Variants in CRACR2A observed in about 807,000 individuals in gnomAD.
CRACR2A encodes calcium release activated channel regulator 2A.
CRACR2A carries 79 observed loss-of-function variants against 90.5 expected under a neutral mutation model. That is an observed-to-expected ratio of 0.87 (90% CI 0.73 to 1.05). The LOEUF (loss-of-function observed/expected upper bound fraction) is 1.05. CRACR2A is among the 50% of genes least tolerant of loss of function. The pLI is 0.00. For missense variants in CRACR2A, 823 were observed against 897.2 expected, an observed-to-expected ratio of 0.92 and a Z score of 1.06; for synonymous variants, 338 against 356.7, an observed-to-expected ratio of 0.95 and a Z score of 0.59.
chr12:3,648,643 G>A (rs1378071224), intron 10 of CRACR2A, 30 bp from the exon 11 acceptor site: 1 of 1,598,426 alleles, frequency 6.3e-7, no homozygotes, highest in South Asian at 1.1e-5. Context: ...ATGGCAGTGA[G>A]CTCCCAGGTG....
At chr12:3,652,021 G>A (rs1157154890) in intron 10 of CRACR2A, among the ~76,000 whole-genome samples, 3 of 152,162 alleles carry the variant, frequency 2.0e-5, no homozygotes, top group Non-Finnish European at 4.4e-5. Context: ...GAAACTGCAA[G>A]CTTCTTGAAA....
chr12:3,668,674 T>G (rs1250835105), intron 7 of CRACR2A, among the ~76,000 whole-genome samples: 1 of 152,074 alleles, frequency 6.6e-6, no homozygotes, highest in Non-Finnish European at 1.5e-5. Context: ...CAACACAGGC[T>G]GCCGATCCTT....
chr12:3,736,639 G>C (rs1946455218), intron 1 of CRACR2A, among the ~76,000 whole-genome samples: 1 of 152,000 alleles, frequency 6.6e-6, no homozygotes, highest in Admixed American at 6.6e-5. Flanking sequence ...ACTGAGGGCT[G>C]GAATCATGCA....
At chr12:3,725,161 A>G (rs11062778) in intron 2 of CRACR2A, among the ~76,000 whole-genome samples, 18,706 of 152,002 alleles carry the variant, frequency 0.12, 1,257 homozygotes, top group Middle Eastern at 0.21. Context: ...CATCTCTTCC[A>G]TCTCACCAAA....
intron 4 of CRACR2A, among the ~76,000 whole-genome samples, chr12:3,693,803 G>A (rs1430841114): frequency 2.0e-5 from 3 of 152,092 alleles, no homozygotes; most frequent in African/African-American, 7.2e-5. Context: ...TGATCTTCTT[G>A]TGAAGTATCT....
chr12:3,657,204 C>T (rs1035729746), intron 8 of CRACR2A, among the ~76,000 whole-genome samples: 3 of 152,268 alleles, frequency 2.0e-5, no homozygotes, highest in African/African-American at 7.2e-5. Flanking sequence ...TTTTGGATCA[C>T]TGTTTGTTCA....
Position 3,745,825 on chromosome 12 carries a change from T to TAAAATAAAATAAAATAAAAGAAAAGAAAG in CRACR2A, c.-387+7189_-387+7190insCTTTCTTTTCTTTTATTTTATTTTATTTT, listed in dbSNP as rs149739964. Among the ~76,000 whole-genome samples the TAAAATAAAATAAAATAAAAGAAAAGAAAG allele has an allele frequency of 7.9e-3, 798 of 100,532 alleles. 25 individuals carry two copies. The highest frequency in any genetic ancestry group is 0.031 in the African/African-American group (763 of 24,886). 66.0% of individuals were successfully genotyped at this position (100,532 alleles called of 152,430 possible). ...TAAAATAAAATAAAATAAAATAAAA[T>TAAAATAAAATAAAATAAAAGAAAAGAAAG]AAAGAAAGAAAAGAGAAGAGAAAAG... On this transcript the variant is annotated intron_variant, in intron 1 of 19. Coordinates refer to ENST00000440314, the MANE Select transcript of CRACR2A (RefSeq NM_001144958.2).
At chr12:3,750,484 C>G (rs570351796) in intron 1 of CRACR2A, among the ~76,000 whole-genome samples, 40 of 152,288 alleles carry the variant, frequency 2.6e-4, no homozygotes, top group African/African-American at 9.4e-4. Flanking sequence ...TCTTAAGATC[C>G]TGAATTCTGC....
At chr12:3,644,526 C>T in intron 12 of CRACR2A, 69 bp downstream of exon 12, 1 of 1,476,446 alleles carries the variant, frequency 6.8e-7, no homozygotes, top group Non-Finnish European at 9.3e-7. Context: ...CCAGTCTCGA[C>T]ATGGATCTGG....
intron 3 of CRACR2A, among the ~76,000 whole-genome samples, chr12:3,699,766 C>A (rs553152116): frequency 6.6e-6 from 1 of 152,138 alleles, no homozygotes; most frequent in Admixed American, 6.5e-5. Context: ...TCGATTTTAC[C>A]GCCAGTTTCT....
At chr12:3,748,937 G>A (rs548508039) in intron 1 of CRACR2A, among the ~76,000 whole-genome samples, 1 of 152,346 alleles carries the variant, frequency 6.6e-6, no homozygotes, top group East Asian at 1.9e-4. Flanking sequence ...GTGAGGGGAA[G>A]GGGGTGTCTT....
Position 3,638,318 on chromosome 12 carries a change from TGCGGAGCGGCCGGGGGTAC to T in CRACR2A, c.1389_1407del (p.Tyr464GlufsTer22), listed in dbSNP as rs759146513. 189 of 1,551,524 alleles carry T rather than the reference TGCGGAGCGGCCGGGGGTAC, an allele frequency of 1.2e-4. No homozygotes were observed. Among genetic ancestry groups the T allele is most frequent in the Non-Finnish European group, 1.5e-4 (177 of 1,146,958 alleles). On this transcript the variant is annotated frameshift_variant, in exon 14 of 20. Transcript: ENST00000440314. LOFTEE classifies it high-confidence loss of function. ...GGGTCTTCTTCAACGGAGATGATTC[TGCGGAGCGGCCGGGGGTAC>T]GGACCCCCAGGCCCTGGCTCCCCGG...
intron 6 of CRACR2A, among the ~76,000 whole-genome samples, chr12:3,678,493 G>A (rs749261890): frequency 2.0e-5 from 3 of 152,154 alleles, no homozygotes; most frequent in Admixed American, 6.5e-5. Context: ...AGAGACCCAG[G>A]AGAGGTAAAG....
chr12:3,624,185 C>A (rs1269422046), intron 17 of CRACR2A, among the ~76,000 whole-genome samples: 1 of 152,070 alleles, frequency 6.6e-6, no homozygotes, highest in East Asian at 1.9e-4. Context: ...GCCCTTTTTT[C>A]TTGTATGCTT....
chr12:3,640,506 G>A (rs574695808), intron 13 of CRACR2A: 238 of 1,205,102 alleles, frequency 2.0e-4, no homozygotes, highest in East Asian at 2.9e-4. Flanking sequence ...ATCAGTAAAC[G>A]TCTGCTGAAT....
intron 7 of CRACR2A, among the ~76,000 whole-genome samples, chr12:3,669,604 G>A (rs1214027043): frequency 5.3e-5 from 8 of 152,114 alleles, no homozygotes; most frequent in African/African-American, 1.9e-4. Flanking sequence ...CTGATATGCA[G>A]GTTAAAAAAA....
chr12:3,717,195 G>A (rs1216881602), intron 2 of CRACR2A, among the ~76,000 whole-genome samples: 1 of 152,064 alleles, frequency 6.6e-6, no homozygotes, highest in African/African-American at 2.4e-5. Flanking sequence ...GCAGTCGATG[G>A]GCCTTCTCTT....
chr12:3,710,108 T>C (rs241991), intron 3 of CRACR2A, among the ~76,000 whole-genome samples: 128,866 of 152,182 alleles, frequency 0.85, 54,637 homozygotes, highest in Middle Eastern at 0.9. Flanking sequence ...CATGCCTCCC[T>C]GTTGTTTTCA....
At chr12:3,736,587 A>G (rs1428713377) in intron 1 of CRACR2A, among the ~76,000 whole-genome samples, 1 of 151,992 alleles carries the variant, frequency 6.6e-6, no homozygotes, top group Non-Finnish European at 1.5e-5. Context: ...CTGCAGACAT[A>G]ATGAAGGCTG....
Sources: gnomAD v4.1 joint callset for allele counts (sites outside exome capture counted in the v4.1 genomes callset) on GRCh38, gnomAD v4.1.1 for gene constraint, MANE v1.5 for transcripts, NCBI Gene and HGNC (gene_info 2026-07-23, HGNC 2026-07-21) for gene names.